Variants in EDC4 observed in about 807,000 individuals in gnomAD.
EDC4 encodes the protein enhancer of mRNA decapping 4.
EDC4 carries 64 observed loss-of-function variants against 155.8 expected under a neutral mutation model. The observed-to-expected ratio is 0.41, with a 90% CI of 0.34 to 0.51. The LOEUF is 0.51. Ranked by LOEUF, EDC4 falls within the 20% of genes least tolerant of loss-of-function variation. EDC4 has a pLI of 0.19. For synonymous variants in EDC4, 684 were observed against 716.8 expected (o/e 0.95, Z 0.73); for missense variants, 1,303 against 1,812.5 (o/e 0.72, Z 5.10).
rs28578193 is a variant in EDC4, at chr16:67,880,333, G to A, written c.2097+117G>A. 40,564 of 1,452,834 alleles carry A rather than the reference G, an allele frequency of 0.028. 4,755 individuals carry two copies. In the African/African-American group the frequency reaches 0.35, roughly 13 times the overall value. 90.0% of individuals were successfully genotyped at this position (1,452,834 alleles called of 1,614,324 possible). A position where few individuals can be genotyped will look rare whatever the true frequency, so the allele number is the denominator to read the frequency against. On this transcript the variant is annotated intron_variant, in intron 17 of 28. Coordinates refer to ENST00000358933, the MANE Select transcript of EDC4 (RefSeq NM_014329.5). This position sits in a 1 kb window ranked among gnomAD's most constrained non-coding sequence, Gnocchi z 5.2. ...GATCCTGCTCTACCCGACATGGTCCGTGTTTCCCTGAGGTCATTTCACCCT... is the reference window on the plus strand; with the variant it reads ...GATCCTGCTCTACCCGACATGGTCCATGTTTCCCTGAGGTCATTTCACCCT...
In EDC4 at chr16:67,880,505, C is replaced by G. The variant is rs1358156034; in HGVS notation, c.2098-52C>G. The G allele has an allele frequency of 6.3e-7, 1 of 1,588,944 alleles. No individual in the cohort carries two copies. Among genetic ancestry groups the G allele is most frequent in the African/African-American group, 1.3e-5 (1 of 74,398 alleles). On this transcript the variant is annotated intron_variant, in intron 17 of 28. Coordinates refer to ENST00000358933, the MANE Select transcript of EDC4 (RefSeq NM_014329.5). The surrounding 1 kb of genome is among the most constrained non-coding windows in gnomAD (Gnocchi z 5.2). ...ACTAATGCCTCGTCTCTGTGCCCCCCATCTCTGCCTCACTTCCTGTCACTT... is the reference window on the plus strand; with the variant it reads ...ACTAATGCCTCGTCTCTGTGCCCCCGATCTCTGCCTCACTTCCTGTCACTT...
rs564856731 is a variant in EDC4, at chr16:67,877,320, G to A, written c.555G>A (p.Ala185=). 19 of 1,614,132 alleles carry A rather than the reference G, an allele frequency of 1.2e-5. No individual in the cohort carries two copies. Among genetic ancestry groups the A allele is most frequent in the African/African-American group, 1.1e-4 (8 of 75,060 alleles). Residue 185 remains alanine (A), a synonymous_variant, in exon 5 of 29, where the codon GCG becomes GCA. Coordinates refer to ENST00000358933, the MANE Select transcript of EDC4 (RefSeq NM_014329.5). The surrounding 1 kb of genome is among the most constrained non-coding windows in gnomAD (Gnocchi z 4.9). ...FTGSVADLAF[A]HLNSPQLACL... is the part of the protein sequence containing the mutation. ...GCAGTGTGGCTGATCTGGCTTTCGC[G>A]CACCTCAACTCTCCACAGCTGGCCT...
chr16:67,879,696 C>T lies in EDC4; in HGVS notation c.1743C>T (p.Phe581=), dbSNP rs2058056716. The change falls in exon 15 of 29, where the codon TTC becomes TTT. Residue 581 remains phenylalanine, a synonymous_variant. Coordinates refer to ENST00000358933, the MANE Select transcript of EDC4 (RefSeq NM_014329.5). This position sits in a 1 kb window ranked among gnomAD's most constrained non-coding sequence, Gnocchi z 6.0. ...RIVELPAPAD[F]LSLSSETKPK... is the part of the protein sequence containing the mutation. ...TGGAGCTGCCTGCACCTGCCGACTT[C>T]CTCAGTCTGAGCAGTGAGACCAAGC... The T allele has an allele frequency of 6.2e-7, 1 of 1,614,072 alleles. No individual in the cohort carries two copies. Among genetic ancestry groups the T allele is most frequent in the South Asian group, 1.1e-5 (1 of 91,088 alleles).
In EDC4 at chr16:67,879,677, T is replaced by A; in HGVS notation, c.1724T>A (p.Leu575Gln). Residue 575 changes from leucine (L) to glutamine (Q), a missense_variant, in exon 15 of 29, where the codon CTG (leucine) becomes CAG (glutamine). Leu to Gln is a moderately radical substitution (Grantham distance 113). Around this residue, in one of 5 missense-constraint regions of EDC4, gnomAD observed 391 missense variants for 445.4 expected, o/e 0.88. Transcript: ENST00000358933. This position sits in a 1 kb window ranked among gnomAD's most constrained non-coding sequence, Gnocchi z 6.0. Reference protein sequence around the residue: ...SQPDLRRIVELPAPADFLSLS... With the variant: ...SQPDLRRIVEQPAPADFLSLS... ...CCTGACCTCCGACGAATCGTGGAGC[T>A]GCCTGCACCTGCCGACTTCCTCAGT... The A allele has an allele frequency of 1.9e-6, 3 of 1,614,136 alleles. No homozygotes were observed. Among genetic ancestry groups the A allele is most frequent in the Non-Finnish European group, 2.5e-6 (3 of 1,180,024 alleles).
In EDC4 at chr16:67,883,234, A is replaced by G; in HGVS notation, c.3849+57A>G. On this transcript the variant is annotated intron_variant, in intron 27 of 28. Transcript: ENST00000358933. The surrounding 1 kb of genome is among the most constrained non-coding windows in gnomAD (Gnocchi z 5.3). ...ACGTGTCTCTTGACAAGGCCCACAT[A>G]CCATACATTCTACTCCACCCACCAC... is the stretch of plus-strand genomic sequence containing the variant. 1 of 1,501,410 alleles carries G rather than the reference A, an allele frequency of 6.7e-7. No homozygotes were observed. The highest frequency in any genetic ancestry group is 8.9e-7 in the Non-Finnish European group (1 of 1,123,770). The allele number at this position is 1,501,410 out of a possible 1,614,324, so 93.0% of individuals were successfully genotyped here.
Position 67,881,063 on chromosome 16 carries a change from C to T in EDC4, c.2532-13C>T, listed in dbSNP as rs757900308. On this transcript the variant is annotated splice_polypyrimidine_tract_variant and intron_variant, in intron 18 of 28. Coordinates refer to ENST00000358933, the MANE Select transcript of EDC4 (RefSeq NM_014329.5). The surrounding 1 kb of genome is among the most constrained non-coding windows in gnomAD (Gnocchi z 5.4). ...ATAGATTCATCCATGGCTAAGTTGG[C>T]CTGTCCTCCCAGCCCCAGGAATGGC... 1 of 1,614,036 alleles carries T rather than the reference C, an allele frequency of 6.2e-7. No individual in the cohort carries two copies. The highest frequency in any genetic ancestry group is 8.5e-7 in the Non-Finnish European group (1 of 1,180,018).
chr16:67,878,709 T>G lies in EDC4; in HGVS notation c.1185-28T>G. On this transcript the variant is annotated intron_variant, in intron 10 of 28. Coordinates refer to ENST00000358933, the MANE Select transcript of EDC4 (RefSeq NM_014329.5). The surrounding 1 kb of genome is among the most constrained non-coding windows in gnomAD (Gnocchi z 5.2). ...ATGTAGCTTCCTTCAGTTCTCAGGC[T>G]CATTCACTCTGCTTTGTGGCTCTCT... 5 of 1,614,196 alleles carry G rather than the reference T, an allele frequency of 3.1e-6. No individual in the cohort carries two copies. Among genetic ancestry groups the G allele is most frequent in the Non-Finnish European group, 4.2e-6 (5 of 1,180,034 alleles).
At chr16:67,875,616 T>C in intron 1 of EDC4, 1 of 541,394 alleles carries the variant, frequency 1.8e-6, no homozygotes, top group Non-Finnish European at 2.5e-6. Context: ...CTAACTGCTG[T>C]ATAAAGTCTT....
chr16:67,881,621 G>A lies in EDC4; in HGVS notation c.2827-47G>A. ...TGGGCCATTCCCTGGTCTGGTGTGT[G>A]GGAATAGGTGGGGCAGGCATCGTGT... On this transcript the variant is annotated intron_variant, in intron 21 of 28. Transcript: ENST00000358933. This position sits in a 1 kb window ranked among gnomAD's most constrained non-coding sequence, Gnocchi z 5.4. The A allele has an allele frequency of 6.2e-7, 1 of 1,610,998 alleles. No homozygotes were observed. Among genetic ancestry groups the A allele is most frequent in the Non-Finnish European group, 8.5e-7 (1 of 1,177,746 alleles).
Position 67,878,503 on chromosome 16 carries a change from C to T in EDC4, c.1089-33C>T. ...GGACCATGGCTCCCAGCAGGGGCCC[C>T]AGCCAGTCACTCACTGCCTTGTTGC... On this transcript the variant is annotated intron_variant, in intron 9 of 28. Coordinates refer to ENST00000358933, the MANE Select transcript of EDC4 (RefSeq NM_014329.5). The surrounding 1 kb of genome is among the most constrained non-coding windows in gnomAD (Gnocchi z 5.2). 6.2e-7 allele frequency: 1 copy of T among 1,614,232 alleles called. No individual in the cohort carries two copies. The highest frequency in any genetic ancestry group is 1.1e-5 in the South Asian group (1 of 91,082).
Position 67,883,971 on chromosome 16 carries a change from C to A in EDC4, c.4029C>A (p.Ala1343=). 6.2e-7 allele frequency: 1 copy of A among 1,600,912 alleles called. No homozygotes were observed. The highest frequency in any genetic ancestry group is 8.5e-7 in the Non-Finnish European group (1 of 1,170,486). ...TDLKLSYLEE[A]VMHLDHSDPI... ...CCATCCCCAGCTACCTGGAAGAGGC[C>A]GTGATGCACCTGGACCACAGTGACC... Residue 1343 remains alanine (A), a synonymous_variant, in exon 29 of 29, where the codon GCC becomes GCA. Transcript: ENST00000358933. This position sits in a 1 kb window ranked among gnomAD's most constrained non-coding sequence, Gnocchi z 5.3.
intron 1 of EDC4, 96 bp from the exon 2 acceptor site, chr16:67,875,849 C>G: frequency 6.5e-7 from 1 of 1,530,298 alleles, no homozygotes; most frequent in East Asian, 2.3e-5. Context: ...TTGAGTGTTC[C>G]TAGAGCACCT....
rs757734244 is a variant in EDC4, at chr16:67,877,822, A to G, written c.871A>G (p.Ile291Val). The change falls in exon 7 of 29, where the codon ATT becomes GTT. Residue 291 changes from isoleucine to valine, a missense_variant. Ile to Val is a conservative substitution (Grantham distance 29). Transcript: ENST00000358933. The surrounding 1 kb of genome is among the most constrained non-coding windows in gnomAD (Gnocchi z 4.9). ...VDVSQIKQGF[I>V]VVKGHSTCLS... ...TGTTAGCCAGATCAAGCAGGGCTTC[A>G]TTGTGGTAAAAGGTCATAGCACGGT... 1.2e-6 allele frequency: 2 copies of G among 1,614,116 alleles called. No homozygotes were observed. The highest frequency in any genetic ancestry group is 1.7e-5 in the Admixed American group (1 of 60,020).
In EDC4 at chr16:67,877,965, C is replaced by G; in HGVS notation, c.894+120C>G. On this transcript the variant is annotated intron_variant, in intron 7 of 28. Transcript: ENST00000358933. This position sits in a 1 kb window ranked among gnomAD's most constrained non-coding sequence, Gnocchi z 4.9. ...GCATTCTGCCCGTGGGGACTCTGAG[C>G]TCAAATTGGCCCTCACCTGTGCAGC... The G allele has an allele frequency of 6.6e-7, 1 of 1,511,872 alleles. No individual in the cohort carries two copies. 93.7% of individuals were successfully genotyped at this position (1,511,872 alleles called of 1,614,324 possible).
chr16:67,880,764 A>G lies in EDC4; in HGVS notation c.2305A>G (p.Met769Val). Reference sequence around the variant, plus strand: ...ACCAGAGGGCCTTGAGCCAGACAGTATGGCTTCAGCCGCCTCGGCACTGCA... The same window carrying G: ...ACCAGAGGGCCTTGAGCCAGACAGTGTGGCTTCAGCCGCCTCGGCACTGCA... ...SAPEGLEPDS[M>V]ASAASALHLL... The change falls in exon 18 of 29, where the codon ATG (methionine) becomes GTG (valine). Residue 769 changes from methionine to valine, a missense_variant. Transcript: ENST00000358933. This position sits in a 1 kb window ranked among gnomAD's most constrained non-coding sequence, Gnocchi z 5.2. 6.2e-7 allele frequency: 1 copy of G among 1,614,098 alleles called. No homozygotes were observed. The highest frequency in any genetic ancestry group is 8.5e-7 in the Non-Finnish European group (1 of 1,180,010).
rs2058052868 is a variant in EDC4, at chr16:67,878,903, G to GC, written c.1288-53dup. The GC allele has an allele frequency of 1.2e-6, 2 of 1,610,950 alleles. No individual in the cohort carries two copies. Among genetic ancestry groups the GC allele is most frequent in the Admixed American group, 3.3e-5 (2 of 60,018 alleles). ...ATAGAGGAAGGCCGGGGGGCAGGTG[G>GC]CGCATCACAGCCCTTAGCCTCTGAG... On this transcript the variant is annotated intron_variant, in intron 11 of 28. Coordinates refer to ENST00000358933, the MANE Select transcript of EDC4 (RefSeq NM_014329.5). This position sits in a 1 kb window ranked among gnomAD's most constrained non-coding sequence, Gnocchi z 5.2.
chr16:67,873,271 T>G lies in EDC4; in HGVS notation c.10T>G (p.Cys4Gly). 6.8e-7 allele frequency: 1 copy of G among 1,468,700 alleles called. No homozygotes were observed. The highest frequency in any genetic ancestry group is 9.0e-7 in the Non-Finnish European group (1 of 1,114,492). 91.0% of individuals were successfully genotyped at this position (1,468,700 alleles called of 1,614,324 possible). A position where few individuals can be genotyped will look rare whatever the true frequency, so the allele number is the denominator to read the frequency against. Residue 4 changes from cysteine to glycine, a missense_variant, in exon 1 of 29, where the codon TGC becomes GGC. By Grantham distance (159) the Cys-to-Gly change is radical (BLOSUM62 -3). Around this residue, in one of 5 missense-constraint regions of EDC4, gnomAD observed 99 missense variants for 121.3 expected, o/e 0.82. Transcript: ENST00000358933. MAS[C>G]ASIDIEDATQ... ...GCCCGCCGCAGGGCCCATGGCCTCC[T>G]GCGCGAGCATCGACATCGAGGACGC...
Position 67,883,039 on chromosome 16 carries a change from C to T in EDC4, c.3711C>T (p.Ala1237=), listed in dbSNP as rs770814044. 1.5e-5 allele frequency: 24 copies of T among 1,613,742 alleles called. No homozygotes were observed. The highest frequency in any genetic ancestry group is 1.8e-5 in the Non-Finnish European group (21 of 1,180,030). The change falls in exon 27 of 29, where the codon GCC becomes GCT. Residue 1237 remains alanine, a synonymous_variant. Transcript: ENST00000358933. The surrounding 1 kb of genome is among the most constrained non-coding windows in gnomAD (Gnocchi z 5.3). The stretch of plus-strand genomic sequence containing the variant: ...TGGCGCTCAAGGAGCAGCAGGCCGC[C>T]GTCACCTCCAGCATCATGCAGGCCA... The part of the protein sequence containing the change: ...VSVALKEQQA[A]VTSSIMQAMR...
In EDC4 at chr16:67,881,553, T is replaced by C. The variant is rs199658263; in HGVS notation, c.2826+20T>C. 6.2e-7 allele frequency: 1 copy of C among 1,613,672 alleles called. No homozygotes were observed. The highest frequency in any genetic ancestry group is 1.3e-5 in the African/African-American group (1 of 75,000). ...CACCAGGTAAGTGAATGAGCCCACT[T>C]TGTACTTGTGGAACTTCACCCTGGG... On this transcript the variant is annotated intron_variant, in intron 21 of 28. Transcript: ENST00000358933. The surrounding 1 kb of genome is among the most constrained non-coding windows in gnomAD (Gnocchi z 5.4).
Sources: gnomAD v4.1 joint callset for allele counts on GRCh38, gnomAD v4.1.1 for gene constraint, gnomAD v4.1.1 regional missense constraint, Gnocchi (gnomAD v3.1) non-coding constraint, MANE v1.5 for transcripts, NCBI Gene and HGNC (gene_info 2026-07-23, HGNC 2026-07-21) for gene names.